The following MAN1A1 variants were observed in gnomAD, a reference collection of about 807,000 sequenced individuals.
MAN1A1 encodes mannosyl-oligosaccharide 1,2-alpha-mannosidase IA.
MAN1A1 carries 29 observed loss-of-function variants against 70.8 expected under a neutral mutation model. The ratio of observed to expected loss-of-function variants is 0.41; its 90% CI spans 0.31 to 0.56. The LOEUF (loss-of-function observed/expected upper bound fraction) is 0.56. Among genes scored for constraint, MAN1A1 ranks in the 20% least tolerant of loss-of-function variants. The pLI is 0.29. For missense variants in MAN1A1, 747 were observed against 841.3 expected (o/e 0.89, Z 1.39); for synonymous variants, 349 against 330.1 (o/e 1.06, Z -0.62).
intron 5 of MAN1A1, among the ~76,000 whole-genome samples, chr6:119,285,085 C>A (rs969685472): frequency 1.3e-5 from 2 of 150,744 alleles, no homozygotes; most frequent in Admixed American, 6.6e-5. Flanking sequence ...AGGTGTCACA[C>A]ATGGCCAGAG....
At chr6:119,271,421 T>C (rs1470730883) in intron 5 of MAN1A1, among the ~76,000 whole-genome samples, 3 of 152,072 alleles carry the variant, frequency 2.0e-5, no homozygotes, top group Non-Finnish European at 4.4e-5. Flanking sequence ...CTAAAGGTAA[T>C]GTTCTTTCCA....
chr6:119,259,825 T>G (rs901524279), intron 5 of MAN1A1, among the ~76,000 whole-genome samples: 1 of 152,152 alleles, frequency 6.6e-6, no homozygotes, highest in African/African-American at 2.4e-5. Flanking sequence ...AGAAGTTCTC[T>G]TTTTCCCCAT....
intron 6 of MAN1A1, among the ~76,000 whole-genome samples, chr6:119,222,315 T>G (rs1024925315): frequency 6.6e-6 from 1 of 151,452 alleles, no homozygotes; most frequent in Non-Finnish European, 1.5e-5. Flanking sequence ...TTCATCTTTT[T>G]TTTTTTAAGG....
intron 2 of MAN1A1, among the ~76,000 whole-genome samples, chr6:119,324,781 T>G (rs978152146): frequency 2.0e-5 from 3 of 152,192 alleles, no homozygotes; most frequent in African/African-American, 2.4e-5. Flanking sequence ...AATGAAGTTG[T>G]TACTAAAAAA....
chr6:119,349,739 T>C lies in MAN1A1; in HGVS notation c.-420A>G, dbSNP rs1421564281. On this transcript the variant is annotated 5_prime_UTR_variant, in exon 1 of 13. Coordinates refer to ENST00000368468, the MANE Select transcript of MAN1A1 (RefSeq NM_005907.4). ...CAGCGAGTAGAGCAGCACGGTACAC[T>C]CCGCCGCGGCCCCGCGAGCACTAAT... 17 of 985,354 alleles carry C rather than the reference T, an allele frequency of 1.7e-5. No homozygotes were observed. The highest frequency in any genetic ancestry group is 4.7e-5 in the South Asian group (1 of 21,292). 61.0% of individuals were successfully genotyped at this position (985,354 alleles called of 1,614,324 possible).
intron 6 of MAN1A1, among the ~76,000 whole-genome samples, chr6:119,217,548 G>A (rs1399663121): frequency 6.6e-6 from 1 of 152,210 alleles, no homozygotes; most frequent in Non-Finnish European, 1.5e-5. Flanking sequence ...CCAAAGGCGT[G>A]AGCCACTGCG....
chr6:119,307,195 T>C (rs1410253305), intron 2 of MAN1A1, among the ~76,000 whole-genome samples: 5 of 152,280 alleles, frequency 3.3e-5, no homozygotes, highest in Middle Eastern at 3.4e-3. Flanking sequence ...CCCTTTTATG[T>C]TTACAAATGG....
chr6:119,291,632 C>T (rs1772023510), intron 4 of MAN1A1, among the ~76,000 whole-genome samples: 2 of 151,732 alleles, frequency 1.3e-5, no homozygotes. Flanking sequence ...CAACATTAGT[C>T]TAGGAATCTT....
At chr6:119,348,026 C>G (rs965366633) in intron 2 of MAN1A1, among the ~76,000 whole-genome samples, 2 of 152,252 alleles carry the variant, frequency 1.3e-5, no homozygotes, top group African/African-American at 4.8e-5. Context: ...AAGGGCCACA[C>G]AGCTGAACCC....
intron 5 of MAN1A1, among the ~76,000 whole-genome samples, chr6:119,254,724 C>G (rs1775414856): frequency 6.6e-6 from 1 of 152,066 alleles, no homozygotes; most frequent in African/African-American, 2.4e-5. Context: ...ATCTAATGAT[C>G]CAACAAGAAT....
intron 9 of MAN1A1, among the ~76,000 whole-genome samples, chr6:119,191,111 A>T (rs1454228575): frequency 6.6e-6 from 1 of 152,236 alleles, no homozygotes; most frequent in African/African-American, 2.4e-5. Context: ...TAAGAAATAA[A>T]TGAACATATT....
At chr6:119,205,834 A>G (rs1247908113) in intron 6 of MAN1A1, among the ~76,000 whole-genome samples, 1 of 152,254 alleles carries the variant, frequency 6.6e-6, no homozygotes, top group Non-Finnish European at 1.5e-5. Flanking sequence ...ACTATTTGCT[A>G]GGACTATACA....
At chr6:119,290,575 A>G in intron 5 of MAN1A1, 108 bp downstream of exon 5, 1 of 728,778 alleles carries the variant, frequency 1.4e-6, no homozygotes, top group Non-Finnish European at 2.3e-6. Context: ...TTGAAATATA[A>G]AAATTCCATA....
upstream of MAN1A1, chr6:119,349,886 G>C (rs1051876087): frequency 1.3e-5 from 5 of 394,060 alleles, no homozygotes; most frequent in African/African-American, 1.1e-4. Flanking sequence ...GGCGAGGAGG[G>C]GGATGCGCGG....
chr6:119,198,606 T>C (rs1441330163), intron 8 of MAN1A1, among the ~76,000 whole-genome samples: 1 of 152,240 alleles, frequency 6.6e-6, no homozygotes, highest in Non-Finnish European at 1.5e-5. Flanking sequence ...ATGCCCATTA[T>C]GTTAACATAT....
At chr6:119,280,825 A>C (rs1375290953) in intron 5 of MAN1A1, among the ~76,000 whole-genome samples, 1 of 152,240 alleles carries the variant, frequency 6.6e-6, no homozygotes, top group East Asian at 1.9e-4. Context: ...ATTCAATATA[A>C]ATCAAAATAG....
chr6:119,238,323 T>C (rs947562751), intron 6 of MAN1A1, among the ~76,000 whole-genome samples: 2 of 152,214 alleles, frequency 1.3e-5, no homozygotes, highest in African/African-American at 4.8e-5. Context: ...TAAAATTATA[T>C]GCTCTAAGGG....
At chr6:119,208,234 T>C (rs1773938821) in intron 6 of MAN1A1, among the ~76,000 whole-genome samples, 1 of 152,334 alleles carries the variant, frequency 6.6e-6, no homozygotes, top group East Asian at 1.9e-4. Context: ...TTCCAACTTC[T>C]ACATCACTCT....
intron 2 of MAN1A1, among the ~76,000 whole-genome samples, chr6:119,311,189 C>T (rs1050413349): frequency 6.6e-6 from 1 of 152,172 alleles, no homozygotes; most frequent in African/African-American, 2.4e-5. Flanking sequence ...ATTAAGTGCT[C>T]AATGCATTTT....
Sources: gnomAD v4.1 joint callset for allele counts (sites outside exome capture counted in the v4.1 genomes callset) on GRCh38, gnomAD v4.1.1 for gene constraint, MANE v1.5 for transcripts, NCBI Gene and HGNC (gene_info 2026-07-23, HGNC 2026-07-21) for gene names.